Variants in ALDH2 observed in about 807,000 individuals in gnomAD.
ALDH2 encodes the protein aldehyde dehydrogenase, mitochondrial.
A neutral mutation model predicts 59.6 loss-of-function variants in ALDH2; 44 were observed. The ratio of observed to expected loss-of-function variants is 0.74; its 90% CI spans 0.58 to 0.95. The LOEUF (loss-of-function observed/expected upper bound fraction) is 0.95. Ranked by LOEUF, ALDH2 falls within the 40% of genes least tolerant of loss-of-function variation. ALDH2 has a pLI of 0.00. For missense variants in ALDH2, 570 were observed against 696.3 expected, an observed-to-expected ratio of 0.82 and a Z score of 2.04; for synonymous variants, 291 against 284.0, an observed-to-expected ratio of 1.02 and a Z score of -0.25.
At chr12:111,783,779 G>A (rs986055670) in intron 3 of ALDH2, among the ~76,000 whole-genome samples, 1 of 152,218 alleles carries the variant, frequency 6.6e-6, no homozygotes, top group Non-Finnish European at 1.5e-5. Flanking sequence ...CAAAGTGCTG[G>A]GATTACAGGC....
rs1429817069 is a variant in ALDH2, at chr12:111,815,736, A to C, written c.*6161A>C. Reference sequence around the variant, plus strand: ...GTGATCCTCCCACCTCAGCCTCCTGAGTAGCTGGGATTATAGGCGTGCACT... The same window carrying C: ...GTGATCCTCCCACCTCAGCCTCCTGCGTAGCTGGGATTATAGGCGTGCACT... On this transcript the variant is annotated 3_prime_UTR_variant, in exon 13 of 13. Transcript: ENST00000261733. 6.6e-6 allele frequency: 1 copy of C among 150,916 alleles called. No individual in the cohort carries two copies. Among genetic ancestry groups the C allele is most frequent in the Admixed American group, 6.6e-5 (1 of 15,158 alleles). 9.3% of individuals were successfully genotyped at this position (150,916 alleles called of 1,614,324 possible). A position where few individuals can be genotyped will look rare whatever the true frequency, so the allele number is the denominator to read the frequency against.
At chr12:111,787,197 C>A (rs2068316856) in intron 4 of ALDH2, among the ~76,000 whole-genome samples, 1 of 151,890 alleles carries the variant, frequency 6.6e-6, no homozygotes, top group African/African-American at 2.4e-5. Flanking sequence ...CAGACTGAGG[C>A]TCCATCTCAA....
At chr12:111,774,511 C>T (rs986315295) in intron 1 of ALDH2, among the ~76,000 whole-genome samples, 1 of 152,136 alleles carries the variant, frequency 6.6e-6, no homozygotes, top group Non-Finnish European at 1.5e-5. Flanking sequence ...GTTCCAGGGA[C>T]GGGGATTTCC....
At chr12:111,800,111 AG>A in intron 11 of ALDH2, 48 bp downstream of exon 11, 1 of 1,549,910 alleles carries the variant, frequency 6.5e-7, no homozygotes, top group Non-Finnish European at 8.7e-7. Context: ...GATTCCTCAA[AG>A]CCAGGGCCTA....
intron 1 of ALDH2, among the ~76,000 whole-genome samples, chr12:111,779,717 C>T (rs1382351947): frequency 1.3e-5 from 2 of 152,230 alleles, no homozygotes; most frequent in Non-Finnish European, 2.9e-5. Context: ...TCTTTGCCTT[C>T]ACGTCACCTG....
chr12:111,784,560 TC>T (rs1227162770), intron 3 of ALDH2, among the ~76,000 whole-genome samples: 2 of 152,262 alleles, frequency 1.3e-5, no homozygotes, highest in Non-Finnish European at 2.9e-5. Context: ...GGCTGATGTT[TC>T]TAGACAGGGC....
At position 111,781,986 on chromosome 12, in the gene ALDH2, T is replaced by A; in HGVS notation, c.183T>A (p.Thr61=). 6.2e-7 allele frequency: 1 copy of A among 1,614,018 alleles called. No homozygotes were observed. The highest frequency in any genetic ancestry group is 8.5e-7 in the Non-Finnish European group (1 of 1,179,920). ...RKTFPTVNPS[T]GEVICQVAEG... is the part of the protein sequence containing the mutation. ...CATTCCCCACCGTCAATCCGTCCACTGGAGAGGTCATCTGTCAGGTAGCTG... is the reference window on the plus strand; with the variant it reads ...CATTCCCCACCGTCAATCCGTCCACAGGAGAGGTCATCTGTCAGGTAGCTG... The change falls in exon 2 of 13, where the codon ACT becomes ACA. Residue 61 remains threonine, a synonymous_variant. Coordinates refer to ENST00000261733, the MANE Select transcript of ALDH2 (RefSeq NM_000690.4).
At chr12:111,780,413 C>A (rs1157109407) in intron 1 of ALDH2, among the ~76,000 whole-genome samples, 3 of 152,192 alleles carry the variant, frequency 2.0e-5, no homozygotes, top group African/African-American at 7.2e-5. Context: ...CTTTCTGGTT[C>A]ACCAGTAACT....
intron 4 of ALDH2, 85 bp from the exon 5 acceptor site, chr12:111,789,738 C>A: frequency 1.8e-6 from 2 of 1,123,420 alleles, no homozygotes; most frequent in African/African-American, 1.5e-5. Context: ...CTCAGCTGGA[C>A]CAGTTTGAGT....
At chr12:111,801,179 G>A (rs1480825172) in intron 11 of ALDH2, among the ~76,000 whole-genome samples, 1 of 152,182 alleles carries the variant, frequency 6.6e-6, no homozygotes. Flanking sequence ...GAGAACTTGT[G>A]CAGGGAAACT....
chr12:111,799,800 C>G, intron 10 of ALDH2, 106 bp from the exon 11 acceptor site: 1 of 1,320,734 alleles, frequency 7.6e-7, no homozygotes, highest in Non-Finnish European at 1.0e-6. Flanking sequence ...TAGAGCATGG[C>G]TGGGGGCTTA....
intron 11 of ALDH2, among the ~76,000 whole-genome samples, chr12:111,801,922 T>C (rs777251687): frequency 6.6e-6 from 1 of 152,100 alleles, no homozygotes; most frequent in Non-Finnish European, 1.5e-5. Context: ...CACACAACAC[T>C]GTGAATATGC....
intron 9 of ALDH2, 74 bp downstream of exon 9, chr12:111,792,856 T>A: frequency 1.4e-6 from 2 of 1,465,844 alleles, no homozygotes; most frequent in Non-Finnish European, 1.8e-6. Flanking sequence ...CGGGCTCAGA[T>A]CAGTTGGGAC....
At chr12:111,789,677 T>G in intron 4 of ALDH2, 146 bp from the exon 5 acceptor site, 1 of 685,962 alleles carries the variant, frequency 1.5e-6, no homozygotes, top group Non-Finnish European at 2.5e-6. Context: ...ACCTTTGCAG[T>G]CACTTGTCTC....
chr12:111,792,693 T>G lies in ALDH2; in HGVS notation c.994T>G (p.Tyr332Asp). 6.2e-7 allele frequency: 1 copy of G among 1,605,872 alleles called. No homozygotes were observed. Among genetic ancestry groups the G allele is most frequent in the Non-Finnish European group, 8.5e-7 (1 of 1,176,580 alleles). Residue 332 changes from tyrosine to aspartate, a missense_variant, in exon 9 of 13, where the codon TAT (tyrosine) becomes GAT (aspartate). Tyr to Asp is a radical substitution (Grantham distance 160). Coordinates refer to ENST00000261733, the MANE Select transcript of ALDH2 (RefSeq NM_000690.4). Reference sequence around the variant, plus strand: ...CCGGACCTTCGTGCAGGAGGACATCTATGATGAGTTTGTGGAGCGGAGCGT... The same window carrying G: ...CCGGACCTTCGTGCAGGAGGACATCGATGATGAGTTTGTGGAGCGGAGCGT... ...GSRTFVQEDI[Y>D]DEFVERSVAR...
intron 12 of ALDH2, among the ~76,000 whole-genome samples, chr12:111,805,849 C>A (rs1277545103): frequency 1.3e-5 from 2 of 151,228 alleles, no homozygotes; most frequent in Non-Finnish European, 2.9e-5. Flanking sequence ...ATAGTGAAAC[C>A]CTGTCTCTAC....
rs763578676 is a variant in ALDH2 at position 111,799,857 on chromosome 12, C to T, written c.1249-49C>T. Reference sequence around the variant, plus strand: ...GTTCTGCTCTGAGAGAGCTCGATGGCAGGTGCCTCCGTGTTGCCGAACCCT... The same window carrying T: ...GTTCTGCTCTGAGAGAGCTCGATGGTAGGTGCCTCCGTGTTGCCGAACCCT... On this transcript the variant is annotated intron_variant, in intron 10 of 12. Transcript: ENST00000261733. The T allele has an allele frequency of 1.8e-5, 28 of 1,577,268 alleles. No individual in the cohort carries two copies. The South Asian group carries it at 2.9e-4, about 16-fold the overall frequency.
chr12:111,799,179 G>A (rs549764180), intron 10 of ALDH2, among the ~76,000 whole-genome samples: 17 of 138,910 alleles, frequency 1.2e-4, no homozygotes, highest in Non-Finnish European at 2.2e-4. Context: ...TTCTCTTCTC[G>A]TTTTGAGATG....
chr12:111,815,197 C>T lies in ALDH2; in HGVS notation c.*5622C>T, dbSNP rs2068562307. ...GTACTTGGAGCCTTCTCAAGAGCTTCTTAACAATATTTTCATTTTTTATAT... is the reference window on the plus strand; with the variant it reads ...GTACTTGGAGCCTTCTCAAGAGCTTTTTAACAATATTTTCATTTTTTATAT... On this transcript the variant is annotated 3_prime_UTR_variant, in exon 13 of 13. Transcript: ENST00000261733. The T allele has an allele frequency of 6.6e-6, 1 of 152,152 alleles. No individual in the cohort carries two copies. The highest frequency in any genetic ancestry group is 6.5e-5 in the Admixed American group (1 of 15,270). The allele number at this position is 152,152 out of a possible 1,614,324, so 9.4% of individuals were successfully genotyped here.
Sources: allele counts gnomAD v4.1 joint callset (sites outside exome capture counted in the v4.1 genomes callset), GRCh38; gene constraint gnomAD v4.1.1; transcripts MANE v1.5; gene names NCBI Gene and HGNC (gene_info 2026-07-23, HGNC 2026-07-21).